The following PTPRD variants were observed in gnomAD, a reference collection of about 807,000 sequenced individuals.
PTPRD encodes the protein protein tyrosine phosphatase receptor type D, also known as receptor-type tyrosine-protein phosphatase delta.
Under a neutral mutation model 214.5 loss-of-function variants are expected in PTPRD, and 34 were observed. The observed-to-expected ratio is 0.16, with a 90% confidence interval of 0.12 to 0.21. The LOEUF (loss-of-function observed/expected upper bound fraction) is 0.21, where lower values mean the gene tolerates loss of function less well. Ranked by LOEUF, PTPRD falls within the 10% of genes least tolerant of loss-of-function variation. The probability of loss-of-function intolerance (pLI) is 1.00; values close to 1 mark genes in which losing one functional copy is unlikely to be tolerated. For missense variants in PTPRD, 2,545 were observed against 2,398.7 expected (o/e 1.06, Z -1.27); for synonymous variants, 1,128 against 845.7 (o/e 1.33, Z -5.79).
chr9:10,214,597 AT>A (rs2099532809), intron 3 of PTPRD, among the ~76,000 whole-genome samples: 1 of 151,862 alleles, frequency 6.6e-6, no homozygotes, highest in Admixed American at 6.6e-5. Flanking sequence ...CTTACTGGAA[AT>A]TTTGCTTGCA....
chr9:10,487,195 G>A (rs7865601), intron 2 of PTPRD, among the ~76,000 whole-genome samples: 1 of 152,146 alleles, frequency 6.6e-6, no homozygotes, highest in South Asian at 2.1e-4. Context: ...CCTTATAGGT[G>A]AAGTGTGTTT....
intron 2 of PTPRD, among the ~76,000 whole-genome samples, chr9:10,345,305 C>T (rs1214084637): frequency 6.6e-6 from 1 of 151,818 alleles, no homozygotes; most frequent in African/African-American, 2.4e-5. Context: ...ACTTTAAGTT[C>T]TGGGATATAT....
chr9:9,856,223 C>T (rs1013079220), intron 5 of PTPRD, among the ~76,000 whole-genome samples: 10 of 152,098 alleles, frequency 6.6e-5, no homozygotes, highest in African/African-American at 2.4e-4. Flanking sequence ...CCCTGACATC[C>T]AGCCACTCTT....
At chr9:9,808,160 T>G (rs572121300) in intron 5 of PTPRD, among the ~76,000 whole-genome samples, 1 of 152,312 alleles carries the variant, frequency 6.6e-6, no homozygotes, top group Admixed American at 6.5e-5. Context: ...TGTGTAACTG[T>G]TGCATACTTC....
At chr9:9,775,690 T>A (rs1176598516) in intron 5 of PTPRD, among the ~76,000 whole-genome samples, 1 of 152,098 alleles carries the variant, frequency 6.6e-6, no homozygotes, top group African/African-American at 2.4e-5. Flanking sequence ...ACGCCTGTAA[T>A]CCCAGCACTT....
chr9:9,254,820 A>C lies in PTPRD; in HGVS notation c.-202-71457T>G, dbSNP rs546507713. 1.4e-4 allele frequency among the ~76,000 whole-genome samples: 21 copies of C among 152,102 alleles called. No individual in the cohort carries two copies. The South Asian group carries it at 4.4e-3, about 32-fold the overall frequency. On this transcript the variant is annotated intron_variant, in intron 9 of 45. Coordinates refer to ENST00000381196, the MANE Select transcript of PTPRD (RefSeq NM_002839.4). ...TTTTGTTCCTGTATTCAGTTCCTGG[A>C]TTTGAATTCCTCCAGTTGTAGGATA...
At chr9:9,964,278 A>G (rs948347966) in intron 4 of PTPRD, among the ~76,000 whole-genome samples, 40 of 152,362 alleles carry the variant, frequency 2.6e-4, no homozygotes, top group African/African-American at 9.4e-4. Context: ...AGGACAAGAA[A>G]GAATGTAATA....
At chr9:10,456,394 A>T (rs1443085816) in intron 2 of PTPRD, among the ~76,000 whole-genome samples, 1 of 151,952 alleles carries the variant, frequency 6.6e-6, no homozygotes, top group African/African-American at 2.4e-5. Flanking sequence ...GGTGTTGGTT[A>T]GCACTATTAG....
At chr9:8,998,473 T>C (rs1021790331) in intron 11 of PTPRD, among the ~76,000 whole-genome samples, 5 of 152,032 alleles carry the variant, frequency 3.3e-5, no homozygotes, top group Non-Finnish European at 2.9e-5. Flanking sequence ...TTAAGCCCAT[T>C]GTTGAGACCT....
At chr9:9,455,982 A>G (rs1379328665) in intron 8 of PTPRD, among the ~76,000 whole-genome samples, 1 of 151,758 alleles carries the variant, frequency 6.6e-6, no homozygotes, top group Non-Finnish European at 1.5e-5. Flanking sequence ...TTAACCCATT[A>G]ATATTACTAC....
chr9:8,362,901 G>A (rs2078864189), intron 39 of PTPRD, among the ~76,000 whole-genome samples: 1 of 152,150 alleles, frequency 6.6e-6, no homozygotes, highest in Admixed American at 6.5e-5. Context: ...AGCTAAGTAT[G>A]TAGTGAAAGT....
At chr9:9,854,562 G>T (rs1189897598) in intron 5 of PTPRD, among the ~76,000 whole-genome samples, 3 of 151,516 alleles carry the variant, frequency 2.0e-5, no homozygotes, top group Non-Finnish European at 4.4e-5. Flanking sequence ...ATTTCTACTG[G>T]TATATATAAA....
At chr9:8,653,291 G>C (rs1256131383) in intron 12 of PTPRD, among the ~76,000 whole-genome samples, 2 of 152,224 alleles carry the variant, frequency 1.3e-5, no homozygotes, top group South Asian at 4.1e-4. Context: ...ATCTTTCCAA[G>C]TCAAAGTAAA....
At chr9:9,361,231 A>G (rs1026021946) in intron 9 of PTPRD, among the ~76,000 whole-genome samples, 2 of 151,178 alleles carry the variant, frequency 1.3e-5, no homozygotes, top group African/African-American at 4.8e-5. Context: ...TAATCCTTAC[A>G]GTTGAAAATG....
chr9:9,776,184 C>T (rs1366380150), intron 5 of PTPRD, among the ~76,000 whole-genome samples: 1 of 152,100 alleles, frequency 6.6e-6, no homozygotes, highest in African/African-American at 2.4e-5. Flanking sequence ...TGTATGTTCT[C>T]TTTCATTTTT....
chr9:10,329,067 A>G (rs2096701303), intron 3 of PTPRD, among the ~76,000 whole-genome samples: 1 of 151,758 alleles, frequency 6.6e-6, no homozygotes. Flanking sequence ...TGAATTTGGA[A>G]CACCAGCTTA....
At chr9:10,118,156 G>C (rs1192111338) in intron 3 of PTPRD, among the ~76,000 whole-genome samples, 1 of 151,850 alleles carries the variant, frequency 6.6e-6, no homozygotes, top group Non-Finnish European at 1.5e-5. Flanking sequence ...TTAAATTAGA[G>C]TGTAATTGCT....
At chr9:10,018,445 G>A (rs1007358780) in intron 4 of PTPRD, among the ~76,000 whole-genome samples, 3 of 149,426 alleles carry the variant, frequency 2.0e-5, no homozygotes, top group Non-Finnish European at 4.4e-5. Context: ...GATACAAATA[G>A]CAGATAAAAT....
intron 7 of PTPRD, among the ~76,000 whole-genome samples, chr9:9,686,267 C>A (rs2097165382): frequency 6.8e-6 from 1 of 146,566 alleles, no homozygotes; most frequent in South Asian, 2.2e-4. Flanking sequence ...AAAATTAATC[C>A]TCTCATATTT....
Sources: allele counts gnomAD v4.1 joint callset (sites outside exome capture counted in the v4.1 genomes callset), GRCh38; gene constraint gnomAD v4.1.1; transcripts MANE v1.5; gene names NCBI Gene and HGNC (gene_info 2026-07-23, HGNC 2026-07-21).